PLXNA4: variants seen among roughly 807,000 people sequenced by gnomAD.
The protein encoded by PLXNA4 is plexin-A4.
PLXNA4 carries 44 observed loss-of-function variants against 191.8 expected under a neutral mutation model. That is an observed-to-expected ratio of 0.23 (90% CI 0.18 to 0.29). The LOEUF is 0.29. Ranked by LOEUF, PLXNA4 falls within the 10% of genes least tolerant of loss-of-function variation. PLXNA4 has a pLI of 1.00. For missense variants in PLXNA4, 1,800 were observed against 2,488.8 expected (o/e 0.72, Z 5.89); for synonymous variants, 1,082 against 1,009.5 (o/e 1.07, Z -1.36).
chr7:132,620,569 C>CA (rs1803240610), intron 2 of PLXNA4, among the ~76,000 whole-genome samples: 1 of 152,160 alleles, frequency 6.6e-6, no homozygotes, highest in African/African-American at 2.4e-5. Flanking sequence ...AAGCTAACAA[C>CA]ATTGCCCTGG....
intron 3 of PLXNA4, among the ~76,000 whole-genome samples, chr7:132,486,259 G>C (rs2117509137): frequency 6.6e-6 from 1 of 152,196 alleles, no homozygotes; most frequent in East Asian, 1.9e-4. Flanking sequence ...GTCACGGCTG[G>C]GCCTCTGCCC....
intron 2 of PLXNA4, among the ~76,000 whole-genome samples, chr7:132,585,818 G>A (rs1174002905): frequency 6.6e-6 from 1 of 152,148 alleles, no homozygotes; most frequent in Non-Finnish European, 1.5e-5. Flanking sequence ...ATCATGGGTG[G>A]GGGCTCTACC....
chr7:132,366,440 C>T (rs2116877130), intron 3 of PLXNA4, among the ~76,000 whole-genome samples: 1 of 152,160 alleles, frequency 6.6e-6, no homozygotes, highest in East Asian at 1.9e-4. Flanking sequence ...AGGGGAATTG[C>T]TTGAACTCAG....
At chr7:132,264,339 C>A (rs1402468234) in intron 4 of PLXNA4, 2 of 152,194 alleles carry the variant, frequency 1.3e-5, no homozygotes, top group Non-Finnish European at 2.9e-5. Flanking sequence ...AGATGCAGCC[C>A]ACAGGGCCCA....
intron 2 of PLXNA4, among the ~76,000 whole-genome samples, chr7:132,490,413 C>T (rs577784574): frequency 7.4e-6 from 1 of 135,566 alleles, no homozygotes; most frequent in Non-Finnish European, 1.5e-5. Context: ...ATTCACTGAA[C>T]CTTTTCTTCC....
At chr7:132,202,601 C>T in intron 12 of PLXNA4, 45 bp downstream of exon 12, 1 of 1,435,336 alleles carries the variant, frequency 7.0e-7, no homozygotes, top group Non-Finnish European at 9.2e-7. Flanking sequence ...GGCACAGCAG[C>T]CTGGAGCCTG....
chr7:132,647,119 TCA>T (rs1388509945), intron 1 of PLXNA4, among the ~76,000 whole-genome samples: 4 of 146,912 alleles, frequency 2.7e-5, no homozygotes, highest in African/African-American at 5.1e-5. Flanking sequence ...GCATATACAC[TCA>T]CACATACACT....
chr7:132,224,661 C>T (rs957349936), intron 8 of PLXNA4, among the ~76,000 whole-genome samples: 1 of 152,166 alleles, frequency 6.6e-6, no homozygotes, highest in African/African-American at 2.4e-5. Context: ...ACTCTGCTTC[C>T]CCAGAGGGGA....
chr7:132,504,513 G>A (rs1798380014), intron 2 of PLXNA4, among the ~76,000 whole-genome samples: 1 of 152,206 alleles, frequency 6.6e-6, no homozygotes, highest in African/African-American at 2.4e-5. Context: ...CTAATTTAGA[G>A]AGCTGGTACA....
chr7:132,328,186 TC>T, intron 3 of PLXNA4, among the ~76,000 whole-genome samples: 1 of 152,260 alleles, frequency 6.6e-6, no homozygotes, highest in African/African-American at 2.4e-5. Flanking sequence ...CTTCTCTTCC[TC>T]CTGACAGATC....
chr7:132,332,877 A>T (rs914800001), intron 3 of PLXNA4, among the ~76,000 whole-genome samples: 3 of 151,952 alleles, frequency 2.0e-5, no homozygotes, highest in Admixed American at 1.3e-4. Context: ...GAAAAAAAAA[A>T]AAAAGGACAG....
At chr7:132,445,151 T>A (rs1214698230) in intron 3 of PLXNA4, among the ~76,000 whole-genome samples, 1 of 68,778 alleles carries the variant, frequency 1.5e-5, no homozygotes, top group Non-Finnish European at 2.5e-5. Flanking sequence ...CAAGACTCCA[T>A]CTCAGGAAAA....
In PLXNA4 at chr7:132,303,435, G is replaced by A. The variant is rs561757565; in HGVS notation, c.1372-5213C>T. Among the ~76,000 whole-genome samples the A allele has an allele frequency of 3.5e-3, 535 of 151,916 alleles. 8 individuals are homozygous for A. The highest frequency in any genetic ancestry group is 2.8e-3 in the Non-Finnish European group (190 of 67,990). On this transcript the variant is annotated intron_variant, in intron 3 of 31. Transcript: ENST00000321063. ...AACACAAAAATTAGCTGGGCGTGGC[G>A]GTGGGCGCCTGTAGTCCCAGCTACT...
rs1342077914 is a variant in PLXNA4, at chr7:132,164,197, C to T, written c.4445G>A (p.Arg1482His). 1.9e-6 allele frequency: 3 copies of T among 1,614,228 alleles called. No individual in the cohort carries two copies. The highest frequency in any genetic ancestry group is 1.7e-5 in the Admixed American group (1 of 60,032). ...GAGCTTGTCCTCGCTCAAGGAGTAG[C>T]GGGCCTCGCCCGTGATGGCGTCAAT... The part of the protein sequence containing the change: ...GPIDAITGEA[R>H]YSLSEDKLIR... Residue 1482 changes from arginine (R) to histidine (H), a missense_variant, in exon 24 of 32, where the codon CGC (arginine) becomes CAC (histidine). By Grantham distance (29) the Arg-to-His change is conservative (BLOSUM62 0). Around this residue, in one of 6 missense-constraint regions of PLXNA4, gnomAD observed 214 missense variants for 298.2 expected, o/e 0.72. Coordinates refer to ENST00000321063, the MANE Select transcript of PLXNA4 (RefSeq NM_020911.2).
chr7:132,514,056 C>CT lies in PLXNA4; in HGVS notation c.-86-5278dup, dbSNP rs781602593. Among the ~76,000 whole-genome samples, 519 of 139,406 alleles carry CT rather than the reference C, an allele frequency of 3.7e-3. 4 individuals carry two copies. Among genetic ancestry groups the CT allele is most frequent in the Non-Finnish European group, 5.4e-3 (340 of 63,514 alleles). 91.5% of individuals were successfully genotyped at this position (139,406 alleles called of 152,430 possible). On this transcript the variant is annotated intron_variant, in intron 1 of 31. Transcript: ENST00000321063. ...AAAAGATAAGCACTGTTTGGTGAGA[C>CT]TTTTTTTTTTTTTGAGACAGAGTCT...
Position 132,202,851 on chromosome 7 carries a change from G to A in PLXNA4, c.2396-15C>T, listed in dbSNP as rs1236040119. On this transcript the variant is annotated splice_polypyrimidine_tract_variant and intron_variant, in intron 11 of 31. Coordinates refer to ENST00000321063, the MANE Select transcript of PLXNA4 (RefSeq NM_020911.2). The stretch of plus-strand genomic sequence containing the variant: ...GTAGAGGTGAACTGCAGAGGGGAAG[G>A]GCAAGGACAAGGGGTGCTTGGGAAT... 1.3e-6 allele frequency: 2 copies of A among 1,543,958 alleles called. No homozygotes were observed. The highest frequency in any genetic ancestry group is 1.9e-5 in the Admixed American group (1 of 52,574).
intron 3 of PLXNA4, among the ~76,000 whole-genome samples, chr7:132,462,477 T>C (rs1585170237): frequency 6.6e-6 from 1 of 152,304 alleles, no homozygotes; most frequent in East Asian, 1.9e-4. Flanking sequence ...CAGGGGAATG[T>C]TCACAATAAA....
At chr7:132,620,456 A>T (rs1803239056) in intron 2 of PLXNA4, among the ~76,000 whole-genome samples, 1 of 152,168 alleles carries the variant, frequency 6.6e-6, no homozygotes, top group Non-Finnish European at 1.5e-5. Context: ...ATTTGTTTTT[A>T]ATTATATAAC....
intron 5 of PLXNA4, among the ~76,000 whole-genome samples, chr7:132,234,210 G>A (rs1438990230): frequency 6.6e-6 from 1 of 152,180 alleles, no homozygotes; most frequent in Admixed American, 6.5e-5. Flanking sequence ...CCTATTACCT[G>A]AGACACATTC....
Sources: gnomAD v4.1 joint callset for allele counts (sites outside exome capture counted in the v4.1 genomes callset) on GRCh38, gnomAD v4.1.1 for gene constraint, gnomAD v4.1.1 regional missense constraint, MANE v1.5 for transcripts, NCBI Gene and HGNC (gene_info 2026-07-23, HGNC 2026-07-21) for gene names.